Variants in GOLGA8H observed in about 807,000 individuals in gnomAD.
GOLGA8H encodes the protein golgin A8 family member H, also known as golgin subfamily A member 8H.
A neutral mutation model predicts 82.7 loss-of-function variants in GOLGA8H; 47 were observed. That is an observed-to-expected ratio of 0.57 (90% CI 0.45 to 0.73). GOLGA8H has a LOEUF of 0.73. Among genes scored for constraint, GOLGA8H ranks in the 30% least tolerant of loss-of-function variants. The pLI is 0.00. For missense variants in GOLGA8H, 372 were observed against 661.0 expected (o/e 0.56, Z 4.79); for synonymous variants, 108 against 241.6 (o/e 0.45, Z 5.13).
At chr15:30,607,218 C>G in intron 4 of GOLGA8H, 42 bp downstream of exon 4, 1 of 487,978 alleles carries the variant, frequency 2.0e-6, no homozygotes, top group South Asian at 2.1e-5. Context: ...GCTGCCAATC[C>G]TGGGCTCCAG....
In GOLGA8H at chr15:30,609,817, C is replaced by A; in HGVS notation, c.603C>A (p.Arg201=). Residue 201 remains arginine (R), a synonymous_variant, in exon 9 of 19, where the codon CGC becomes CGA. Coordinates refer to ENST00000566740, the MANE Select transcript of GOLGA8H (RefSeq NM_001282490.2). ...QKKKANQLSS[R]SKARTEWKLE... is the part of the protein sequence containing the mutation. Reference sequence around the variant, plus strand: ...TCTTCACCATCCAGTTGTCCAGCCGCAGCAAAGCACGTACGGAGTGGAAGT... The same window carrying A: ...TCTTCACCATCCAGTTGTCCAGCCGAAGCAAAGCACGTACGGAGTGGAAGT... The A allele has an allele frequency of 1.3e-6, 2 of 1,566,574 alleles. No individual in the cohort carries two copies. The highest frequency in any genetic ancestry group is 1.1e-5 in the South Asian group (1 of 88,824).
At position 30,604,170 on chromosome 15, in the gene GOLGA8H, A is replaced by G; in HGVS notation, c.45A>G (p.Lys15=). ...ACAACAAATTGGCTGCAGCCAAGAA[A>G]AAGGTAAAAACGCACTAGGTCATAG... ...TQHNKLAAAK[K]KLKEYWQKNS... Residue 15 remains lysine (K), a synonymous_variant, in exon 1 of 19, where the codon AAA becomes AAG. Transcript: ENST00000566740. 3 of 1,363,772 alleles carry G rather than the reference A, an allele frequency of 2.2e-6. No individual in the cohort carries two copies. The South Asian group carries it at 3.7e-5, about 17-fold the overall frequency. 84.5% of individuals were successfully genotyped at this position (1,363,772 alleles called of 1,614,324 possible). A position where few individuals can be genotyped will look rare whatever the true frequency, so the allele number is the denominator to read the frequency against.
Position 30,611,036 on chromosome 15 carries a change from A to T in GOLGA8H, c.1131+14A>T. On this transcript the variant is annotated intron_variant, in intron 12 of 18. Transcript: ENST00000566740. The stretch of plus-strand genomic sequence containing the variant: ...TTCGAGGAGCCGGTGCGTTGCCCAA[A>T]CTGGGGAGCTTGCCCTCCTCCCTAG... The T allele has an allele frequency of 7.3e-6, 4 of 548,642 alleles. No homozygotes were observed. The highest frequency in any genetic ancestry group is 1.2e-5 in the Non-Finnish European group (4 of 323,438). The allele number at this position is 548,642 out of a possible 1,614,324, so 34.0% of individuals were successfully genotyped here. A position where few individuals can be genotyped will look rare whatever the true frequency, so the allele number is the denominator to read the frequency against.
intron 2 of GOLGA8H, 29 bp downstream of exon 2, chr15:30,605,991 G>T (rs1160110806): frequency 1.3e-6 from 2 of 1,585,420 alleles, no homozygotes; most frequent in South Asian, 2.2e-5. Flanking sequence ...GGCTTCTGGG[G>T]ACAGGGGGCC....
At chr15:30,606,296 C>T (rs2648187) in intron 2 of GOLGA8H, among the ~76,000 whole-genome samples, 2 of 150,986 alleles carry the variant, frequency 1.3e-5, no homozygotes, top group African/African-American at 4.9e-5. Flanking sequence ...TGGAGCTTGC[C>T]GTAGCCAAGA....
chr15:30,610,144 G>T lies in GOLGA8H; in HGVS notation c.786+38G>T, dbSNP rs1286802433. The T allele has an allele frequency of 2.5e-6, 4 of 1,608,626 alleles. 1 individual carries two copies. Among genetic ancestry groups the T allele is most frequent in the Non-Finnish European group, 3.4e-6 (4 of 1,177,728 alleles). On this transcript the variant is annotated intron_variant, in intron 10 of 18. Coordinates refer to ENST00000566740, the MANE Select transcript of GOLGA8H (RefSeq NM_001282490.2). ...CCTTCAGCCCCCCCACATTAGATAG[G>T]TCACTGGATCTTTCTGGGCATCTGT...
rs766204949 is a variant in GOLGA8H at position 30,613,096 on chromosome 15, C to T, written c.1277-8C>T. On this transcript the variant is annotated splice_region_variant and splice_polypyrimidine_tract_variant and intron_variant, in intron 14 of 18. Coordinates refer to ENST00000566740, the MANE Select transcript of GOLGA8H (RefSeq NM_001282490.2). ...TTGTCTGAAGACCCCTCTGGCCACC[C>T]CCCACAGGACACGGAGGAGAACATC... The T allele has an allele frequency of 2.4e-5, 29 of 1,228,744 alleles. 1 individual carries two copies. The African/African-American group carries it at 2.6e-4, about 11-fold the overall frequency. The allele number at this position is 1,228,744 out of a possible 1,614,324, so 76.1% of individuals were successfully genotyped here.
chr15:30,616,991 AC>A lies in GOLGA8H; in HGVS notation c.*2432del, dbSNP rs2060111447. 1 of 147,300 alleles carries A rather than the reference AC, an allele frequency of 6.8e-6. No individual in the cohort carries two copies. The highest frequency in any genetic ancestry group is 1.5e-5 in the Non-Finnish European group (1 of 67,078). The allele number at this position is 147,300 out of a possible 1,614,324, so 9.1% of individuals were successfully genotyped here. A position where few individuals can be genotyped will look rare whatever the true frequency, so the allele number is the denominator to read the frequency against. On this transcript the variant is annotated 3_prime_UTR_variant, in exon 19 of 19. Coordinates refer to ENST00000566740, the MANE Select transcript of GOLGA8H (RefSeq NM_001282490.2). ...ATAAATTTACTATATTGACTGAAAT[AC>A]CACTCTTTGTGTAGGTATTTGTCAT...
intron 2 of GOLGA8H, among the ~76,000 whole-genome samples, chr15:30,606,616 A>G (rs1381582661): frequency 6.6e-6 from 1 of 151,566 alleles, no homozygotes; most frequent in Non-Finnish European, 1.5e-5. Context: ...CCCAGTCTCA[A>G]GGGGAAACCA....
chr15:30,612,921 T>C, intron 14 of GOLGA8H, 183 bp from the exon 15 acceptor site: 1 of 576,966 alleles, frequency 1.7e-6, no homozygotes, highest in Non-Finnish European at 3.1e-6. Context: ...CGACCAGTAG[T>C]GGGAGTGTGC....
chr15:30,606,122 A>C (rs1351785254), intron 2 of GOLGA8H, among the ~76,000 whole-genome samples, 160 bp downstream of exon 2: 1 of 151,664 alleles, frequency 6.6e-6, no homozygotes, highest in East Asian at 1.9e-4. Context: ...TGGGAGGCCA[A>C]GGCAGGCGGA....
At position 30,608,670 on chromosome 15, in the gene GOLGA8H, T is replaced by G. The variant is rs79667598; in HGVS notation, c.505T>G (p.Cys169Gly). The G allele has an allele frequency of 7.4e-6, 10 of 1,359,928 alleles. 1 individual carries two copies. The highest frequency in any genetic ancestry group is 1.0e-5 in the Non-Finnish European group (10 of 974,404). The allele number at this position is 1,359,928 out of a possible 1,614,324, so 84.2% of individuals were successfully genotyped here. ...AGAAAAGTCCAAGGATCTGGCTGTCTGCCTGCAACATTCATTGCAGCGTAA... is the reference window on the plus strand; with the variant it reads ...AGAAAAGTCCAAGGATCTGGCTGTCGGCCTGCAACATTCATTGCAGCGTAA... ...FEEKSKDLAV[C>G]LQHSLQRKGE... The change falls in exon 8 of 19, where the codon TGC becomes GGC. Residue 169 changes from cysteine (C) to glycine (G), a missense_variant. Transcript: ENST00000566740.
chr15:30,604,081 A>T lies in GOLGA8H; in HGVS notation c.-45A>T, dbSNP rs188447192. 41,641 of 1,544,846 alleles carry T rather than the reference A, an allele frequency of 0.027. 1,136 individuals are homozygous for T. The highest frequency in any genetic ancestry group is 0.033 in the Non-Finnish European group (37,377 of 1,147,724). On this transcript the variant is annotated 5_prime_UTR_variant, in exon 1 of 19. Transcript: ENST00000566740. ...GAGGCCTTGATTGGTTCTCATTGAGATTTTGCTGCTGTGACCCCAACCCTG... is the reference window on the plus strand; with the variant it reads ...GAGGCCTTGATTGGTTCTCATTGAGTTTTTGCTGCTGTGACCCCAACCCTG...
At chr15:30,608,304 A>G in intron 5 of GOLGA8H, 27 bp from the exon 6 acceptor site, 1 of 1,587,230 alleles carries the variant, frequency 6.3e-7, no homozygotes, top group Non-Finnish European at 8.6e-7. Flanking sequence ...TCCCCCTGGT[A>G]AGAGCTCTGT....
chr15:30,610,122 T>G lies in GOLGA8H; in HGVS notation c.786+16T>G, dbSNP rs935380399. On this transcript the variant is annotated intron_variant, in intron 10 of 18. Coordinates refer to ENST00000566740, the MANE Select transcript of GOLGA8H (RefSeq NM_001282490.2). ...GTCGCAGGAGGTGAGATCTCACCCT[T>G]CAGCCCCCCCACATTAGATAGGTCA... 2.5e-6 allele frequency: 4 copies of G among 1,610,190 alleles called. No individual in the cohort carries two copies. In the African/African-American group the frequency reaches 5.4e-5, roughly 22 times the overall value.
chr15:30,608,436 T>A, intron 6 of GOLGA8H, 31 bp from the exon 7 acceptor site: 1 of 1,602,256 alleles, frequency 6.2e-7, no homozygotes, highest in Non-Finnish European at 8.5e-7. Context: ...TTTCCTTCTC[T>A]TTCAGCACTT....
chr15:30,612,662 C>A lies in GOLGA8H; in HGVS notation c.1266C>A (p.Leu422=). Residue 422 remains leucine (L), a synonymous_variant, in exon 14 of 19, where the codon CTC becomes CTA. Coordinates refer to ENST00000566740, the MANE Select transcript of GOLGA8H (RefSeq NM_001282490.2). ...QLTAQLSLMA[L]PGEGHGGEHL... ...CGGCCCAGCTGAGCCTCATGGCTCTCCCTGGGGAAGGTACGGGAGACCGCT... is the reference window on the plus strand; with the variant it reads ...CGGCCCAGCTGAGCCTCATGGCTCTACCTGGGGAAGGTACGGGAGACCGCT... 1.3e-6 allele frequency: 2 copies of A among 1,596,658 alleles called. No homozygotes were observed. The highest frequency in any genetic ancestry group is 1.7e-6 in the Non-Finnish European group (2 of 1,176,252).
intron 2 of GOLGA8H, among the ~76,000 whole-genome samples, chr15:30,606,170 C>T (rs1365515092): frequency 6.6e-6 from 1 of 151,516 alleles, no homozygotes; most frequent in Non-Finnish European, 1.5e-5. Context: ...CTGGTTAACA[C>T]GGTGAAACCC....
chr15:30,610,567 A>T (rs1202915048), intron 11 of GOLGA8H, among the ~76,000 whole-genome samples, 178 bp downstream of exon 11: 2 of 150,066 alleles, frequency 1.3e-5, no homozygotes, highest in Non-Finnish European at 2.9e-5. Context: ...CAGTGTCCCC[A>T]TCAGGAAAGA....
Sources: gnomAD v4.1 joint callset for allele counts (sites outside exome capture counted in the v4.1 genomes callset) on GRCh38, gnomAD v4.1.1 for gene constraint, MANE v1.5 for transcripts, NCBI Gene and HGNC (gene_info 2026-07-23, HGNC 2026-07-21) for gene names.